RFT1: variants seen among roughly 807,000 people sequenced by gnomAD.
RFT1 encodes the protein RFT1 glycolipid translocator homolog.
A neutral mutation model predicts 62.2 loss-of-function variants in RFT1; 43 were observed. That is an observed-to-expected ratio of 0.69 (90% CI 0.54 to 0.89). The LOEUF (loss-of-function observed/expected upper bound fraction) is 0.89, where lower values mean the gene tolerates loss of function less well. Ranked by LOEUF, RFT1 falls within the 40% of genes least tolerant of loss-of-function variation. The probability of loss-of-function intolerance (pLI) is 0.00; values close to 1 mark genes in which losing one functional copy is unlikely to be tolerated. For missense variants in RFT1, 605 were observed against 649.9 expected (o/e 0.93, Z 0.75); for synonymous variants, 262 against 264.6 (o/e 0.99, Z 0.10).
Position 53,105,709 on chromosome 3 carries a change from C to T in RFT1, c.921G>A (p.Val307=). ...GTGTGGCATCCTTTCCCCTCTCCAG[C>T]ACCTTAGCAAAAAATATATAAAAAC... The part of the protein sequence containing the change: ...EESFYIFFAK[V]LERGKDATLQ... The change falls in exon 9 of 13, where the codon GTG becomes GTA. Residue 307 remains valine, a synonymous_variant. Coordinates refer to ENST00000296292, the MANE Select transcript of RFT1 (RefSeq NM_052859.4). 2 of 1,613,852 alleles carry T rather than the reference C, an allele frequency of 1.2e-6. No homozygotes were observed. Among genetic ancestry groups the T allele is most frequent in the Non-Finnish European group, 1.7e-6 (2 of 1,179,874 alleles).
chr3:53,125,982 A>C lies in RFT1; in HGVS notation c.76T>G (p.Leu26Val), dbSNP rs199628095. The C allele has an allele frequency of 2.4e-5, 39 of 1,613,254 alleles. No homozygotes were observed. In the East Asian group the frequency reaches 8.5e-4, roughly 35 times the overall value. ...AATGCATTCAAGACAAAGGTGATCA[A>C]CCGAAACAACACCTATAGAAAAAGA... is the stretch of plus-strand genomic sequence containing the variant. ...SGLLLQVLFR[L>V]ITFVLNAFIL... The change falls in exon 2 of 13, where the codon TTG (leucine) becomes GTG (valine). Residue 26 changes from leucine (L) to valine (V), a missense_variant. Leu to Val is a conservative substitution (Grantham distance 32). Coordinates refer to ENST00000296292, the MANE Select transcript of RFT1 (RefSeq NM_052859.4).
chr3:53,074,789 A>G, the RFT1 span, among the ~76,000 whole-genome samples: 2 of 152,188 alleles, frequency 1.3e-5, no homozygotes, highest in Non-Finnish European at 2.9e-5. Context: ...GGCTGTGTCC[A>G]CATCCATGGC....
At chr3:53,102,966 C>G (rs1024583678) in intron 10 of RFT1, among the ~76,000 whole-genome samples, 5 of 152,200 alleles carry the variant, frequency 3.3e-5, no homozygotes, top group African/African-American at 4.8e-5. Context: ...TGCCCATAAA[C>G]TTACTAATGC....
chr3:53,120,103 T>C, intron 5 of RFT1, 82 bp from the exon 6 acceptor site: 2 of 1,180,848 alleles, frequency 1.7e-6, no homozygotes, highest in South Asian at 1.5e-5. Flanking sequence ...AGTCAAGTAA[T>C]AGAACTCTCT....
intron 4 of RFT1, 73 bp downstream of exon 4, chr3:53,122,301 T>C (rs1424464940): frequency 1.4e-6 from 2 of 1,402,274 alleles, no homozygotes; most frequent in East Asian, 2.3e-5. Context: ...TTCTCTCCTA[T>C]AAAAGCATTT....
At chr3:53,106,137 G>T (rs1701465741) in intron 8 of RFT1, among the ~76,000 whole-genome samples, 1 of 152,142 alleles carries the variant, frequency 6.6e-6, no homozygotes, top group Non-Finnish European at 1.5e-5. Context: ...GGAGGCTGAG[G>T]TGGGAGGATC....
intron 6 of RFT1, among the ~76,000 whole-genome samples, chr3:53,119,219 A>G (rs879457996): frequency 4.6e-4 from 70 of 152,262 alleles, no homozygotes; most frequent in Non-Finnish European, 7.2e-4. Flanking sequence ...GAAAAAAAAA[A>G]AAAGACCATT....
At chr3:53,124,165 T>C (rs916256401) in intron 2 of RFT1, among the ~76,000 whole-genome samples, 1 of 152,124 alleles carries the variant, frequency 6.6e-6, no homozygotes, top group African/African-American at 2.4e-5. Context: ...AAGATAAGAT[T>C]ATAACCCCAC....
Position 53,130,423 on chromosome 3 carries a change from A to C in RFT1, c.-23T>G. The C allele has an allele frequency of 6.4e-7, 1 of 1,550,590 alleles. No individual in the cohort carries two copies. Among genetic ancestry groups the C allele is most frequent in the Non-Finnish European group, 8.7e-7 (1 of 1,146,974 alleles). On this transcript the variant is annotated 5_prime_UTR_variant, in exon 1 of 13. Coordinates refer to ENST00000296292, the MANE Select transcript of RFT1 (RefSeq NM_052859.4). ...CATAGCCTCCGCGCCAGGCTCAGAC[A>C]CCAGGAAATGCCGCCGCCACTCCGT... is the stretch of plus-strand genomic sequence containing the variant.
At chr3:53,076,191 C>T in the RFT1 span, among the ~76,000 whole-genome samples, 1 of 152,346 alleles carries the variant, frequency 6.6e-6, no homozygotes, top group East Asian at 1.9e-4. Context: ...AGGCGGTTGG[C>T]CCTTGAGCAT....
Position 53,091,995 on chromosome 3 carries a change from T to G in RFT1, c.1534A>C (p.Thr512Pro). The change falls in exon 13 of 13, where the codon ACT becomes CCT. Residue 512 changes from threonine (T) to proline (P), a missense_variant. Transcript: ENST00000296292. Reference protein sequence around the residue: ...IAVGAFCLGATLGTAFLTETK... With the variant: ...IAVGAFCLGAPLGTAFLTETK... ...TCTGTGAGGAATGCTGTCCCGAGAG[T>G]TGCTCCCAGACAGAAGGCCCCCACA... 1.2e-6 allele frequency: 2 copies of G among 1,614,122 alleles called. No individual in the cohort carries two copies. Among genetic ancestry groups the G allele is most frequent in the Non-Finnish European group, 1.7e-6 (2 of 1,180,014 alleles).
At chr3:53,097,890 C>T (rs1701188658) in intron 11 of RFT1, among the ~76,000 whole-genome samples, 1 of 152,196 alleles carries the variant, frequency 6.6e-6, no homozygotes, top group African/African-American at 2.4e-5. Context: ...CAGTTCTACT[C>T]TAAAGCTATA....
At chr3:53,084,932 G>C (rs1402070197), downstream of RFT1, among the ~76,000 whole-genome samples, 1 of 152,196 alleles carries the variant, frequency 6.6e-6, no homozygotes, top group Non-Finnish European at 1.5e-5. Flanking sequence ...CACTCTGACT[G>C]GCCTACACCT....
At chr3:53,070,400 T>G in the RFT1 span, among the ~76,000 whole-genome samples, 8 of 135,724 alleles carry the variant, frequency 5.9e-5, no homozygotes, top group Non-Finnish European at 7.9e-5. Flanking sequence ...ATGGTTTTTT[T>G]TTTTTTTTTT....
chr3:53,076,238 G>C, the RFT1 span, among the ~76,000 whole-genome samples: 1 of 152,176 alleles, frequency 6.6e-6, no homozygotes, highest in African/African-American at 2.4e-5. Context: ...ATTTCCACCC[G>C]GATCTTACTA....
downstream of RFT1, among the ~76,000 whole-genome samples, chr3:53,086,876 C>A (rs1439895031): frequency 1.3e-5 from 2 of 152,182 alleles, no homozygotes; most frequent in Non-Finnish European, 2.9e-5. Flanking sequence ...TCCTCACTAG[C>A]AAGCCCCCTG....
At chr3:53,070,393 GTTTTTTT>G in the RFT1 span, among the ~76,000 whole-genome samples, 13 of 85,466 alleles carry the variant, frequency 1.5e-4, no homozygotes, top group Admixed American at 5.5e-4. Context: ...CTGTATTATG[GTTTTTTT>G]TTTTTTTTTT....
intron 7 of RFT1, among the ~76,000 whole-genome samples, chr3:53,110,739 G>T: frequency 6.6e-6 from 1 of 151,298 alleles, no homozygotes; most frequent in South Asian, 2.1e-4. Flanking sequence ...TTTTTCTAAC[G>T]GGACTATATT....
At chr3:53,126,427 T>C (rs751283527) in intron 1 of RFT1, among the ~76,000 whole-genome samples, 2 of 152,224 alleles carry the variant, frequency 1.3e-5, no homozygotes, top group Non-Finnish European at 2.9e-5. Flanking sequence ...TATAGCAGAC[T>C]CACCAGAAAT....
Sources: allele counts gnomAD v4.1 joint callset (sites outside exome capture counted in the v4.1 genomes callset), GRCh38; gene constraint gnomAD v4.1.1; transcripts MANE v1.5; gene names NCBI Gene and HGNC (gene_info 2026-07-23, HGNC 2026-07-21).